Variants in FHIT observed in about 807,000 individuals in gnomAD.
FHIT encodes the protein fragile histidine triad diadenosine triphosphatase.
FHIT carries 19 observed loss-of-function variants against 17.9 expected under a neutral mutation model. That is an observed-to-expected ratio of 1.06 (90% confidence interval 0.74 to 1.56). FHIT has a LOEUF of 1.56. Ranked by LOEUF, FHIT falls within the 40% of genes most tolerant of loss-of-function variation. The pLI, the probability that FHIT is intolerant of heterozygous loss-of-function variation, is 0.00. For missense variants in FHIT, 248 were observed against 189.2 expected (o/e 1.31, Z -1.82); for synonymous variants, 81 against 69.7 (o/e 1.16, Z -0.81).
At chr3:60,898,987 C>T (rs11130793) in intron 3 of FHIT, among the ~76,000 whole-genome samples, 51,074 of 152,134 alleles carry the variant, frequency 0.34, 10,854 homozygotes, top group East Asian at 0.82. Flanking sequence ...ATGGCCTACA[C>T]TTCTAAATTA....
intron 2 of FHIT, among the ~76,000 whole-genome samples, chr3:61,099,711 T>A (rs2035758268): frequency 6.6e-6 from 1 of 152,210 alleles, no homozygotes; most frequent in African/African-American, 2.4e-5. Flanking sequence ...TAGAGGTGTT[T>A]ATAATATACT....
chr3:60,284,463 C>T (rs1382692832), intron 5 of FHIT, among the ~76,000 whole-genome samples: 1 of 152,068 alleles, frequency 6.6e-6, no homozygotes, highest in East Asian at 1.9e-4. Context: ...GAAACCTATC[C>T]CACTTGCCTG....
intron 5 of FHIT, among the ~76,000 whole-genome samples, chr3:60,246,154 A>G (rs1705385369): frequency 6.6e-6 from 1 of 152,268 alleles, no homozygotes; most frequent in African/African-American, 2.4e-5. Context: ...TAATACAGGC[A>G]AATGAGGTAG....
In FHIT at chr3:61,002,410, G is replaced by A. The variant is rs139425679; in HGVS notation, c.-111+39637C>T. 6.8e-3 allele frequency among the ~76,000 whole-genome samples: 1,033 copies of A among 152,222 alleles called. 11 individuals carry two copies. Among genetic ancestry groups the A allele is most frequent in the South Asian group, 0.028 (133 of 4,828 alleles). ...CCCGAGTAGCTGGGACTACACGCAT[G>A]TGCCAACATGCCAGGCCAGTCTTTT... On this transcript the variant is annotated intron_variant, in intron 3 of 9. Coordinates refer to ENST00000492590, the MANE Select transcript of FHIT (RefSeq NM_002012.4).
chr3:60,382,588 A>T (rs1204479989), intron 5 of FHIT, among the ~76,000 whole-genome samples: 4 of 152,192 alleles, frequency 2.6e-5, no homozygotes, highest in Non-Finnish European at 4.4e-5. Flanking sequence ...ATACTCTGAA[A>T]ATCACTGTTG....
At chr3:60,003,858 C>T (rs1200593616) in intron 7 of FHIT, among the ~76,000 whole-genome samples, 1 of 144,992 alleles carries the variant, frequency 6.9e-6, no homozygotes, top group East Asian at 2.0e-4. Context: ...ATTTATTTTA[C>T]TTTTTTTTTT....
intron 2 of FHIT, among the ~76,000 whole-genome samples, chr3:61,069,759 G>T (rs558989466): frequency 2.0e-5 from 3 of 152,260 alleles, no homozygotes; most frequent in African/African-American, 7.2e-5. Flanking sequence ...TATATGTTCA[G>T]GAAGAACTGT....
chr3:60,220,490 C>T (rs1033911441), intron 5 of FHIT, among the ~76,000 whole-genome samples: 19 of 151,848 alleles, frequency 1.3e-4, no homozygotes, highest in African/African-American at 4.4e-4. Flanking sequence ...AGCATTCATA[C>T]TATGTTTCAA....
intron 5 of FHIT, among the ~76,000 whole-genome samples, chr3:60,326,649 T>C (rs1357466128): frequency 2.6e-5 from 4 of 152,180 alleles, no homozygotes; most frequent in Non-Finnish European, 1.5e-5. Context: ...CCCCTCACCC[T>C]TTCCCAGAGT....
chr3:60,601,623 G>A (rs1312326105), intron 4 of FHIT, among the ~76,000 whole-genome samples: 1 of 152,058 alleles, frequency 6.6e-6, no homozygotes. Flanking sequence ...AAAAATAAAA[G>A]GCATGACTAC....
chr3:60,215,615 G>C (rs989567196), intron 5 of FHIT, among the ~76,000 whole-genome samples: 1 of 152,150 alleles, frequency 6.6e-6, no homozygotes, highest in Admixed American at 6.5e-5. Context: ...AATGTGGATA[G>C]AAGAAATATC....
At chr3:59,966,840 A>G (rs1707949749) in intron 7 of FHIT, among the ~76,000 whole-genome samples, 1 of 152,140 alleles carries the variant, frequency 6.6e-6, no homozygotes, top group Admixed American at 6.6e-5. Flanking sequence ...TACTTAGGCT[A>G]TACTAAATGA....
intron 5 of FHIT, among the ~76,000 whole-genome samples, chr3:60,236,702 T>C (rs956800114): frequency 6.6e-6 from 1 of 152,198 alleles, no homozygotes; most frequent in Admixed American, 6.5e-5. Context: ...GAGTGTTTTA[T>C]TTCCTTTTTT....
chr3:60,441,010 T>A (rs2107327860), intron 5 of FHIT, among the ~76,000 whole-genome samples: 1 of 152,282 alleles, frequency 6.6e-6, no homozygotes, highest in Admixed American at 6.5e-5. Context: ...AAAAGAGTCA[T>A]CCTTTCTTGG....
chr3:60,642,586 T>C lies in FHIT; in HGVS notation c.-17-105607A>G, dbSNP rs139343225. Among the ~76,000 whole-genome samples, 138 of 152,232 alleles carry C rather than the reference T, an allele frequency of 9.1e-4. 3 individuals carry two copies. The East Asian group carries it at 0.018, about 20-fold the overall frequency. Reference sequence around the variant, plus strand: ...CTATATTAGAAATTTCCAAAGTAAATGCACAAAAAAGGGGAGAAATGTGGT... The same window carrying C: ...CTATATTAGAAATTTCCAAAGTAAACGCACAAAAAAGGGGAGAAATGTGGT... On this transcript the variant is annotated intron_variant, in intron 4 of 9. Transcript: ENST00000492590.
chr3:59,973,906 A>G (rs1708294842), intron 7 of FHIT, among the ~76,000 whole-genome samples: 1 of 151,978 alleles, frequency 6.6e-6, no homozygotes, highest in African/African-American at 2.4e-5. Flanking sequence ...TGGTACTATT[A>G]AGTAGGACCA....
intron 5 of FHIT, among the ~76,000 whole-genome samples, chr3:60,120,098 C>T (rs1258254049): frequency 3.9e-5 from 6 of 152,152 alleles, no homozygotes; most frequent in African/African-American, 1.4e-4. Context: ...AACATCACAC[C>T]TTCCACCAAC....
At chr3:60,207,043 A>G (rs374900909) in intron 5 of FHIT, among the ~76,000 whole-genome samples, 39 of 152,250 alleles carry the variant, frequency 2.6e-4, no homozygotes, top group African/African-American at 8.9e-4. Flanking sequence ...ATCTTTAGAG[A>G]TATGGGATAA....
intron 1 of FHIT, among the ~76,000 whole-genome samples, chr3:61,241,622 T>C (rs1299339411): frequency 6.6e-6 from 1 of 152,214 alleles, no homozygotes; most frequent in Non-Finnish European, 1.5e-5. Context: ...TGATGGTTTC[T>C]AACTCCAGTA....
Sources: gnomAD v4.1 joint callset for allele counts (sites outside exome capture counted in the v4.1 genomes callset) on GRCh38, gnomAD v4.1.1 for gene constraint, MANE v1.5 for transcripts, NCBI Gene and HGNC (gene_info 2026-07-23, HGNC 2026-07-21) for gene names.